The following STT3B variants were observed in gnomAD, a reference collection of about 807,000 sequenced individuals.
STT3B encodes STT3 oligosaccharyltransferase complex catalytic subunit B.
A neutral mutation model predicts 96.8 loss-of-function variants in STT3B; 29 were observed. That is an observed-to-expected ratio of 0.30 (90% CI 0.22 to 0.41). STT3B has a LOEUF of 0.41. STT3B is among the 10% of genes least tolerant of loss of function. The probability of loss-of-function intolerance (pLI) is 1.00; values close to 1 mark genes in which losing one functional copy is unlikely to be tolerated. For synonymous variants in STT3B, 367 were observed against 360.0 expected, an observed-to-expected ratio of 1.02 and a Z score of -0.22; for missense variants, 640 against 1,022.3, an observed-to-expected ratio of 0.63 and a Z score of 5.10.
In STT3B at chr3:31,604,108, T is replaced by A. The variant is rs72856053; in HGVS notation, c.877+3649T>A. On this transcript the variant is annotated intron_variant, in intron 5 of 15. Coordinates refer to ENST00000295770, the MANE Select transcript of STT3B (RefSeq NM_178862.3). ...TGAAATGTCACTAGAACAGCTTGTT[T>A]ATGGCATTGTCTATGTTTTCTGCAG... 2.6e-3 allele frequency among the ~76,000 whole-genome samples: 401 copies of A among 152,288 alleles called. 2 individuals are homozygous for A. The highest frequency in any genetic ancestry group is 9.5e-3 in the African/African-American group (393 of 41,578).
chr3:31,622,171 G>T lies in STT3B; in HGVS notation c.1402G>T (p.Val468Leu), dbSNP rs749665192. The T allele has an allele frequency of 1.2e-6, 2 of 1,614,098 alleles. No individual in the cohort carries two copies. The highest frequency in any genetic ancestry group is 8.5e-7 in the Non-Finnish European group (1 of 1,179,964). ...VRLMLTLTPV[V>L]CMLSAIAFSN... ...ACTGATGTTGACTTTGACTCCAGTC[G>T]TGTGTATGCTGTCTGCAATTGCCTT... Residue 468 changes from valine to leucine, a missense_variant, in exon 10 of 16, where the codon GTG becomes TTG. Physicochemically the swap from Val to Leu is conservative, Grantham distance 32. Around this residue, in one of 8 missense-constraint regions of STT3B, gnomAD observed 149 missense variants for 250.2 expected, o/e 0.60. Coordinates refer to ENST00000295770, the MANE Select transcript of STT3B (RefSeq NM_178862.3).
intron 5 of STT3B, among the ~76,000 whole-genome samples, chr3:31,610,711 T>G (rs1195775244): frequency 6.6e-6 from 1 of 152,206 alleles, no homozygotes; most frequent in Non-Finnish European, 1.5e-5. Flanking sequence ...CATCTTTAGG[T>G]TCTGTTGAGA....
At chr3:31,533,534 A>G in intron 1 of STT3B, 1 of 453,758 alleles carries the variant, frequency 2.2e-6, no homozygotes, top group Non-Finnish European at 3.4e-6. Flanking sequence ...TCCAGGAGCG[A>G]AACCTTGATT....
chr3:31,616,323 G>T (rs1229047833), intron 6 of STT3B, among the ~76,000 whole-genome samples: 1 of 151,852 alleles, frequency 6.6e-6, no homozygotes, highest in Non-Finnish European at 1.5e-5. Context: ...GAAGGTCAGA[G>T]AATTATTTTA....
chr3:31,595,696 T>C (rs1698774943), intron 3 of STT3B, among the ~76,000 whole-genome samples: 1 of 152,186 alleles, frequency 6.6e-6, no homozygotes, highest in African/African-American at 2.4e-5. Flanking sequence ...GTTACTTGCT[T>C]TTCAGTTTAC....
intron 1 of STT3B, among the ~76,000 whole-genome samples, chr3:31,534,867 T>C (rs1168768125): frequency 6.6e-6 from 1 of 152,214 alleles, no homozygotes; most frequent in East Asian, 1.9e-4. Context: ...AATATGTTAG[T>C]GTAGACTATT....
At chr3:31,611,357 T>C (rs1373762111) in intron 5 of STT3B, among the ~76,000 whole-genome samples, 1 of 152,222 alleles carries the variant, frequency 6.6e-6, no homozygotes, top group African/African-American at 2.4e-5. Flanking sequence ...CTTAATGGGA[T>C]TTTCTGTTTT....
intron 3 of STT3B, among the ~76,000 whole-genome samples, chr3:31,595,426 C>T (rs986824106): frequency 2.0e-5 from 3 of 152,104 alleles, no homozygotes; most frequent in Admixed American, 2.0e-4. Context: ...TTCCCCTTTT[C>T]GTTATTGATC....
chr3:31,623,441 T>C (rs1173053039), intron 10 of STT3B, among the ~76,000 whole-genome samples: 1 of 152,210 alleles, frequency 6.6e-6, no homozygotes, highest in East Asian at 1.9e-4. Flanking sequence ...TTACTGGAGA[T>C]AATTATTTTG....
intron 3 of STT3B, among the ~76,000 whole-genome samples, chr3:31,583,877 C>T (rs1438325746): frequency 6.6e-6 from 1 of 151,912 alleles, no homozygotes; most frequent in East Asian, 1.9e-4. Context: ...TTGTGGATTG[C>T]CTTTTCACTC....
chr3:31,547,979 A>G lies in STT3B; in HGVS notation c.314+14667A>G, dbSNP rs547386389. 1.1e-4 allele frequency among the ~76,000 whole-genome samples: 16 copies of G among 152,310 alleles called. No homozygotes were observed. In the East Asian group the frequency reaches 1.2e-3, roughly 11 times the overall value. ...ATTCAAAGACAGAGTGGAAATAATA[A>G]TACTTAGTGGAAGGATTCTTGGACA... On this transcript the variant is annotated intron_variant, in intron 1 of 15. Transcript: ENST00000295770.
At chr3:31,617,858 T>G (rs945266150) in intron 7 of STT3B, 82 bp from the exon 8 acceptor site, 12 of 946,282 alleles carry the variant, frequency 1.3e-5, no homozygotes, top group Non-Finnish European at 1.9e-5. Flanking sequence ...CTATCTATAA[T>G]TAGCAATAAA....
intron 5 of STT3B, among the ~76,000 whole-genome samples, chr3:31,611,559 C>G (rs753765024): frequency 6.6e-6 from 1 of 152,072 alleles, no homozygotes; most frequent in Non-Finnish European, 1.5e-5. Context: ...GAGTGCAGTG[C>G]GATTTCAGCT....
At chr3:31,579,477 TAAAAAA>T (rs1173591549) in intron 2 of STT3B, among the ~76,000 whole-genome samples, 19 of 67,448 alleles carry the variant, frequency 2.8e-4, no homozygotes, top group African/African-American at 5.6e-4. Context: ...CCTGTTTTGA[TAAAAAA>T]AAAAAAAAAA....
intron 5 of STT3B, among the ~76,000 whole-genome samples, chr3:31,614,329 C>T (rs1264126966): frequency 6.6e-6 from 1 of 151,888 alleles, no homozygotes; most frequent in Non-Finnish European, 1.5e-5. Context: ...GTTTCAGTGA[C>T]TTCAAATACT....
At chr3:31,585,628 A>G (rs980337666) in intron 3 of STT3B, among the ~76,000 whole-genome samples, 6 of 151,796 alleles carry the variant, frequency 4.0e-5, no homozygotes, top group African/African-American at 1.5e-4. Flanking sequence ...CTTTGTAGTC[A>G]GTCTTCTCCC....
intron 6 of STT3B, among the ~76,000 whole-genome samples, chr3:31,616,347 G>A (rs2125472491): frequency 6.6e-6 from 1 of 151,684 alleles, no homozygotes; most frequent in East Asian, 2.0e-4. Flanking sequence ...CCTGCCTCAG[G>A]GGAGAACAAA....
chr3:31,613,289 G>T (rs375063588), intron 5 of STT3B, among the ~76,000 whole-genome samples: 1 of 152,064 alleles, frequency 6.6e-6, no homozygotes, highest in Non-Finnish European at 1.5e-5. Context: ...TTCTGTGGCA[G>T]TGTTACAGCA....
At chr3:31,590,860 A>G (rs1006625330) in intron 3 of STT3B, among the ~76,000 whole-genome samples, 10 of 152,056 alleles carry the variant, frequency 6.6e-5, no homozygotes, top group Admixed American at 5.2e-4. Flanking sequence ...AATATTTACT[A>G]TCTTGACTGT....
Sources: allele counts gnomAD v4.1 joint callset (sites outside exome capture counted in the v4.1 genomes callset), GRCh38; gene constraint gnomAD v4.1.1; regional missense constraint gnomAD v4.1.1; transcripts MANE v1.5; gene names NCBI Gene and HGNC (gene_info 2026-07-23, HGNC 2026-07-21).